The following CDH12 variants were observed in gnomAD, a reference collection of about 807,000 sequenced individuals.
CDH12 encodes cadherin 12, also known as cadherin-12.
In CDH12, 41 loss-of-function variants were observed where a neutral mutation model predicts 74.1. The ratio of observed to expected loss-of-function variants is 0.55; its 90% CI spans 0.43 to 0.72. The LOEUF (loss-of-function observed/expected upper bound fraction) is 0.72, where lower values mean the gene tolerates loss of function less well. Ranked by LOEUF, CDH12 falls within the 30% of genes least tolerant of loss-of-function variation. The probability of loss-of-function intolerance (pLI) is 0.00; values close to 1 mark genes in which losing one functional copy is unlikely to be tolerated. For synonymous variants in CDH12, 399 were observed against 355.0 expected (o/e 1.12, Z -1.39); for missense variants, 945 against 977.2 (o/e 0.97, Z 0.44).
intron 1 of CDH12, among the ~76,000 whole-genome samples, chr5:22,749,935 A>G (rs1326394836): frequency 6.6e-6 from 1 of 152,196 alleles, no homozygotes; most frequent in African/African-American, 2.4e-5. Flanking sequence ...TTAGGCACAC[A>G]TACAATTTTT....
At chr5:22,097,794 A>T (rs1221754087) in intron 4 of CDH12, among the ~76,000 whole-genome samples, 1 of 151,738 alleles carries the variant, frequency 6.6e-6, no homozygotes, top group East Asian at 1.9e-4. Flanking sequence ...ACCCCATTAA[A>T]ACCTAATCAC....
At chr5:22,579,313 T>G (rs923131150) in intron 1 of CDH12, among the ~76,000 whole-genome samples, 12 of 152,190 alleles carry the variant, frequency 7.9e-5, no homozygotes, top group Admixed American at 7.9e-4. Context: ...TCAGATGTTA[T>G]AAGGTCAACA....
At chr5:22,146,030 A>G (rs956191656) in intron 4 of CDH12, among the ~76,000 whole-genome samples, 1 of 125,666 alleles carries the variant, frequency 8.0e-6, no homozygotes, top group African/African-American at 2.7e-5. Flanking sequence ...GTTATGCAAT[A>G]CACACTTTAC....
intron 6 of CDH12, among the ~76,000 whole-genome samples, chr5:21,956,295 G>A (rs1478662856): frequency 6.6e-6 from 1 of 150,842 alleles, no homozygotes; most frequent in African/African-American, 2.4e-5. Flanking sequence ...AAAAAATAAG[G>A]GCACAAAAAG....
intron 3 of CDH12, among the ~76,000 whole-genome samples, chr5:22,240,276 C>T (rs2150380308): frequency 6.6e-6 from 1 of 152,164 alleles, no homozygotes; most frequent in South Asian, 2.1e-4. Flanking sequence ...ATGACTGTTT[C>T]GACCAATACT....
In CDH12 at chr5:21,917,344, G is replaced by A. The variant is rs137987674; in HGVS notation, c.526+57747C>T. Reference sequence around the variant, plus strand: ...GGGATGTCATGTTTAGGGTGTGGACGGGGCATCTTGAATGATTCTACTGTC... The same window carrying A: ...GGGATGTCATGTTTAGGGTGTGGACAGGGCATCTTGAATGATTCTACTGTC... On this transcript the variant is annotated intron_variant, in intron 6 of 14. Transcript: ENST00000382254. 6.0e-3 allele frequency among the ~76,000 whole-genome samples: 914 copies of A among 152,214 alleles called. 8 individuals are homozygous for A. The highest frequency in any genetic ancestry group is 0.021 in the African/African-American group (875 of 41,532).
intron 5 of CDH12, among the ~76,000 whole-genome samples, chr5:22,017,105 T>C (rs899870535): frequency 3.9e-5 from 6 of 152,204 alleles, no homozygotes; most frequent in African/African-American, 1.4e-4. Context: ...ACTCAGACCA[T>C]AGACTACCTT....
intron 1 of CDH12, among the ~76,000 whole-genome samples, chr5:22,609,692 T>C (rs977255186): frequency 2.0e-4 from 31 of 152,290 alleles, no homozygotes; most frequent in African/African-American, 7.2e-4. Context: ...CATGGTTTGA[T>C]ATTAAGGGTA....
At chr5:21,925,126 C>A (rs929534688) in intron 6 of CDH12, among the ~76,000 whole-genome samples, 1 of 152,142 alleles carries the variant, frequency 6.6e-6, no homozygotes, top group Admixed American at 6.5e-5. Flanking sequence ...ATGGGAAGAT[C>A]AAATTCTGAA....
At chr5:22,307,633 A>G (rs1323774691) in intron 3 of CDH12, among the ~76,000 whole-genome samples, 1 of 152,140 alleles carries the variant, frequency 6.6e-6, no homozygotes, top group Non-Finnish European at 1.5e-5. Flanking sequence ...ATTTTATACC[A>G]AGAAATATTG....
At chr5:22,022,084 G>T (rs539455828) in intron 5 of CDH12, among the ~76,000 whole-genome samples, 1 of 152,038 alleles carries the variant, frequency 6.6e-6, no homozygotes, top group Non-Finnish European at 1.5e-5. Flanking sequence ...CAATCCTCCC[G>T]CCTCAGCTTT....
At chr5:22,846,851 C>T (rs1647969190) in intron 1 of CDH12, among the ~76,000 whole-genome samples, 1 of 152,106 alleles carries the variant, frequency 6.6e-6, no homozygotes, top group African/African-American at 2.4e-5. Context: ...ATACCTCTTT[C>T]CCTCATCACT....
chr5:21,770,999 G>C (rs1745295455), intron 11 of CDH12, among the ~76,000 whole-genome samples: 1 of 152,096 alleles, frequency 6.6e-6, no homozygotes. Flanking sequence ...TTGTAAGTGG[G>C]AACTAAACTT....
At chr5:21,827,812 A>G (rs1748764081) in intron 8 of CDH12, among the ~76,000 whole-genome samples, 1 of 152,170 alleles carries the variant, frequency 6.6e-6, no homozygotes, top group Non-Finnish European at 1.5e-5. Context: ...TTCTTGTTAC[A>G]CAATAATAAA....
intron 9 of CDH12, among the ~76,000 whole-genome samples, chr5:21,812,085 T>C (rs1461858293): frequency 6.6e-6 from 1 of 152,028 alleles, no homozygotes; most frequent in African/African-American, 2.4e-5. Flanking sequence ...ATTTTGAAGA[T>C]AAAACAGTAA....
intron 1 of CDH12, among the ~76,000 whole-genome samples, chr5:22,848,289 C>A (rs1483636179): frequency 1.3e-5 from 2 of 152,044 alleles, no homozygotes; most frequent in Non-Finnish European, 2.9e-5. Flanking sequence ...CTTTTTTTAA[C>A]CTTCAAGTGA....
intron 6 of CDH12, among the ~76,000 whole-genome samples, chr5:21,944,160 T>C (rs144385435): frequency 0.022 from 3,330 of 152,300 alleles, 132 homozygotes; most frequent in African/African-American, 0.077. Context: ...TATCAGTAGC[T>C]AATATTAGAA....
intron 1 of CDH12, among the ~76,000 whole-genome samples, chr5:22,775,016 A>T (rs1747018348): frequency 6.6e-6 from 1 of 151,360 alleles, no homozygotes; most frequent in South Asian, 2.1e-4. Context: ...ACAATGTTTT[A>T]TATATTTATA....
chr5:22,017,575 C>T (rs566248148), intron 5 of CDH12, among the ~76,000 whole-genome samples: 141 of 151,988 alleles, frequency 9.3e-4, no homozygotes, highest in African/African-American at 2.2e-3. Context: ...GAATTTTGGA[C>T]GAAATCATAA....
Sources: allele counts gnomAD v4.1 joint callset (sites outside exome capture counted in the v4.1 genomes callset), GRCh38; gene constraint gnomAD v4.1.1; transcripts MANE v1.5; gene names NCBI Gene and HGNC (gene_info 2026-07-23, HGNC 2026-07-21).